CAAP1: variants seen among roughly 807,000 people sequenced by gnomAD.
CAAP1 encodes the protein caspase activity and apoptosis inhibitor 1, also known as conserved anti-apoptotic protein.
CAAP1 carries 20 observed loss-of-function variants against 34.0 expected under a neutral mutation model. The observed-to-expected ratio is 0.59, with a 90% CI of 0.41 to 0.86. The LOEUF (loss-of-function observed/expected upper bound fraction) is 0.86, where lower values mean the gene tolerates loss of function less well. Among genes scored for constraint, CAAP1 ranks in the 40% least tolerant of loss-of-function variants. The pLI is 0.00. For missense variants in CAAP1, 538 were observed against 450.5 expected, an observed-to-expected ratio of 1.19 and a Z score of -1.76; for synonymous variants, 213 against 166.7, an observed-to-expected ratio of 1.28 and a Z score of -2.14.
At chr9:26,857,120 A>C (rs1032209992) in intron 5 of CAAP1, among the ~76,000 whole-genome samples, 1 of 152,232 alleles carries the variant, frequency 6.6e-6, no homozygotes, top group African/African-American at 2.4e-5. Flanking sequence ...ACAACTGACC[A>C]ATTCAGAAAA....
Position 26,842,172 on chromosome 9 carries a change from G to C in CAAP1, c.*129C>G, listed in dbSNP as rs571390399. The C allele has an allele frequency of 2.3e-5, 15 of 655,518 alleles. No individual in the cohort carries two copies. The highest frequency in any genetic ancestry group is 5.5e-5 in the African/African-American group (3 of 54,452). The allele number at this position is 655,518 out of a possible 1,614,324, so 40.6% of individuals were successfully genotyped here. On this transcript the variant is annotated 3_prime_UTR_variant, in exon 6 of 6. Transcript: ENST00000333916. ...AAAAGAAACAGCCACAGGTAATTTA[G>C]GGCTAAAATGAGTCCTAATAAGGGT... is the stretch of plus-strand genomic sequence containing the variant.
At chr9:26,867,815 CCTTT>C (rs1317890816) in intron 4 of CAAP1, among the ~76,000 whole-genome samples, 2 of 151,918 alleles carry the variant, frequency 1.3e-5, no homozygotes, top group African/African-American at 2.4e-5. Context: ...TTATTAATTT[CCTTT>C]CTAATTCTGT....
Position 26,892,729 on chromosome 9 carries a change from C to A in CAAP1, c.-14G>T. The A allele has an allele frequency of 6.4e-7, 1 of 1,569,256 alleles. No individual in the cohort carries two copies. The highest frequency in any genetic ancestry group is 1.8e-5 in the Admixed American group (1 of 56,270). ...TTTCCCCGTCATGATCCCTCTGCTGCAACCATCGGAGGAAAGTCCGCTGTC... is the reference window on the plus strand; with the variant it reads ...TTTCCCCGTCATGATCCCTCTGCTGAAACCATCGGAGGAAAGTCCGCTGTC... On this transcript the variant is annotated 5_prime_UTR_variant, in exon 1 of 6. Coordinates refer to ENST00000333916, the MANE Select transcript of CAAP1 (RefSeq NM_024828.4).
At chr9:26,844,386 G>A (rs978607271) in intron 5 of CAAP1, among the ~76,000 whole-genome samples, 1 of 152,084 alleles carries the variant, frequency 6.6e-6, no homozygotes, top group Non-Finnish European at 1.5e-5. Context: ...GTGCTAAGTT[G>A]TTCACAGCCT....
chr9:26,861,952 T>C (rs1459697128), intron 4 of CAAP1, among the ~76,000 whole-genome samples: 1 of 152,224 alleles, frequency 6.6e-6, no homozygotes, highest in Non-Finnish European at 1.5e-5. Flanking sequence ...TGATCATTTC[T>C]TTGAGAAGTT....
At position 26,886,124 on chromosome 9, in the gene CAAP1, T is replaced by C; in HGVS notation, c.569A>G (p.Lys190Arg). 6.4e-7 allele frequency: 1 copy of C among 1,555,338 alleles called. No homozygotes were observed. The highest frequency in any genetic ancestry group is 8.7e-7 in the Non-Finnish European group (1 of 1,154,624). The change falls in exon 3 of 6, where the codon AAA becomes AGA. Residue 190 changes from lysine to arginine, a missense_variant. Lys to Arg is a conservative substitution (Grantham distance 26). Transcript: ENST00000333916. ...CTTACCCTCAAGAATCTTCAAAATT[T>C]TTTTTTCAGACAGGAGCTCTAACTG... ...QEQLELLSEK[K>R]ILKILEGDNG...
At chr9:26,869,753 A>G (rs17755887) in intron 4 of CAAP1, among the ~76,000 whole-genome samples, 5,481 of 152,324 alleles carry the variant, frequency 0.036, 164 homozygotes, top group South Asian at 0.1. Context: ...GGAGAGGTAC[A>G]TGGGCATTAT....
At chr9:26,876,413 T>C (rs1341942695) in intron 4 of CAAP1, among the ~76,000 whole-genome samples, 1 of 151,922 alleles carries the variant, frequency 6.6e-6, no homozygotes, top group Non-Finnish European at 1.5e-5. Context: ...GGAATTAAAA[T>C]CTGGATATGT....
At chr9:26,892,362 C>T in intron 1 of CAAP1, 51 bp downstream of exon 1, 1 of 1,592,634 alleles carries the variant, frequency 6.3e-7, no homozygotes, top group Non-Finnish European at 8.5e-7. Context: ...AGCCCGACTT[C>T]TTCCGAAAAA....
chr9:26,852,772 G>C (rs139655324), intron 5 of CAAP1, among the ~76,000 whole-genome samples: 1,609 of 152,018 alleles, frequency 0.011, 102 homozygotes, highest in Admixed American at 0.096. Context: ...TGAAATTCTA[G>C]GTTTATTAGA....
chr9:26,842,698 C>G, intron 5 of CAAP1, 51 bp from the exon 6 acceptor site: 1 of 1,410,762 alleles, frequency 7.1e-7, no homozygotes, highest in Non-Finnish European at 9.6e-7. Flanking sequence ...CCATGGGTCA[C>G]AATTTCCTTA....
intron 3 of CAAP1, 115 bp from the exon 4 acceptor site, chr9:26,885,000 G>C: frequency 1.4e-6 from 1 of 706,284 alleles, no homozygotes; most frequent in Non-Finnish European, 2.3e-6. Context: ...ACTTTATACT[G>C]GGTCAAAACT....
chr9:26,847,389 T>C (rs1055247085), intron 5 of CAAP1, among the ~76,000 whole-genome samples: 1 of 151,610 alleles, frequency 6.6e-6, no homozygotes, highest in Non-Finnish European at 1.5e-5. Context: ...TAATTTTTTG[T>C]ACTTTTGGTA....
At chr9:26,860,278 G>A (rs1403648331) in intron 5 of CAAP1, among the ~76,000 whole-genome samples, 4 of 152,148 alleles carry the variant, frequency 2.6e-5, no homozygotes, top group Non-Finnish European at 4.4e-5. Flanking sequence ...AATGTACTTG[G>A]CTTGAATAAA....
chr9:26,892,553 A>G lies in CAAP1; in HGVS notation c.163T>C (p.Cys55Arg). Reference sequence around the variant, plus strand: ...CTTCCACTAAAATTGGCGTTCCCACAGCAGCTGACGCTCCCGCAGCCCCCG... The same window carrying G: ...CTTCCACTAAAATTGGCGTTCCCACGGCAGCTGACGCTCCCGCAGCCCCCG... ...SAGGCGSVSCCGNANFSGSVT... is the reference protein window; with the variant it reads ...SAGGCGSVSCRGNANFSGSVT... Residue 55 changes from cysteine to arginine, a missense_variant, in exon 1 of 6, where the codon TGT becomes CGT. Transcript: ENST00000333916. 2 of 1,583,566 alleles carry G rather than the reference A, an allele frequency of 1.3e-6. No homozygotes were observed. Among genetic ancestry groups the G allele is most frequent in the Non-Finnish European group, 1.7e-6 (2 of 1,165,318 alleles).
At chr9:26,891,433 C>T (rs1587134306) in intron 1 of CAAP1, among the ~76,000 whole-genome samples, 1 of 152,120 alleles carries the variant, frequency 6.6e-6, no homozygotes, top group Admixed American at 6.5e-5. Context: ...TGTAAAGTCT[C>T]ATTTGGAAAG....
In CAAP1 at chr9:26,885,095, T is replaced by A. The variant is rs1295044467; in HGVS notation, c.590-210A>T. Reference sequence around the variant, plus strand: ...ATTGCTTTTTTTTTTTTTTTTTTTTTAGACGGAGTGTCACACTGTCACCCC... The same window carrying A: ...ATTGCTTTTTTTTTTTTTTTTTTTTAAGACGGAGTGTCACACTGTCACCCC... On this transcript the variant is annotated intron_variant, in intron 3 of 5. Coordinates refer to ENST00000333916, the MANE Select transcript of CAAP1 (RefSeq NM_024828.4). Among the ~76,000 whole-genome samples the A allele has an allele frequency of 6.8e-5, 10 of 146,218 alleles. No homozygotes were observed. The East Asian group carries it at 1.8e-3, about 26-fold the overall frequency.
Position 26,841,731 on chromosome 9 carries a change from T to C in CAAP1, c.*570A>G, listed in dbSNP as rs1429974547. 2.0e-5 allele frequency: 3 copies of C among 152,608 alleles called. No individual in the cohort carries two copies. Among genetic ancestry groups the C allele is most frequent in the Non-Finnish European group, 1.5e-5 (1 of 68,012 alleles). 9.5% of individuals were successfully genotyped at this position (152,608 alleles called of 1,614,324 possible). On this transcript the variant is annotated 3_prime_UTR_variant, in exon 6 of 6. Coordinates refer to ENST00000333916, the MANE Select transcript of CAAP1 (RefSeq NM_024828.4). Reference sequence around the variant, plus strand: ...GCAATTAGTTCTACATAGTTAAAAATTGCCTTAAATTAATTCCTTCCTTTA... The same window carrying C: ...GCAATTAGTTCTACATAGTTAAAAACTGCCTTAAATTAATTCCTTCCTTTA...
At chr9:26,869,707 T>C (rs939717686) in intron 4 of CAAP1, among the ~76,000 whole-genome samples, 2 of 152,208 alleles carry the variant, frequency 1.3e-5, no homozygotes, top group African/African-American at 4.8e-5. Flanking sequence ...GAAACACAGA[T>C]GAGTAACTCT....
Sources: gnomAD v4.1 joint callset for allele counts (sites outside exome capture counted in the v4.1 genomes callset) on GRCh38, gnomAD v4.1.1 for gene constraint, MANE v1.5 for transcripts, NCBI Gene and HGNC (gene_info 2026-07-23, HGNC 2026-07-21) for gene names.